Variants in CPSF3 observed in about 807,000 individuals in gnomAD.
The protein encoded by CPSF3 is cleavage and polyadenylation specific factor 3.
CPSF3 carries 57 observed loss-of-function variants against 84.1 expected under a neutral mutation model. That is an observed-to-expected ratio of 0.68 (90% confidence interval 0.55 to 0.85). The LOEUF (loss-of-function observed/expected upper bound fraction) is 0.85, where lower values mean the gene tolerates loss of function less well. Among genes scored for constraint, CPSF3 ranks in the 40% least tolerant of loss-of-function variants. The pLI is 0.00. For missense variants in CPSF3, 522 were observed against 838.8 expected (o/e 0.62, Z 4.66); for synonymous variants, 275 against 278.1 (o/e 0.99, Z 0.11).
chr2:9,466,206 A>ACGCGCACACACG, intron 15 of CPSF3, among the ~76,000 whole-genome samples: 2 of 146,300 alleles, frequency 1.4e-5, no homozygotes, highest in East Asian at 4.0e-4. Flanking sequence ...TCACACACAC[A>ACGCGCACACACG]CGCGCACACA....
intron 16 of CPSF3, 115 bp from the exon 17 acceptor site, chr2:9,471,225 GAAA>G: frequency 5.0e-6 from 3 of 596,278 alleles, no homozygotes; most frequent in Non-Finnish European, 9.0e-6. Context: ...AAAAAAAAAA[GAAA>G]AAAAGTAAAT....
intron 11 of CPSF3, among the ~76,000 whole-genome samples, chr2:9,451,292 AAAT>A (rs1681320428): frequency 6.6e-6 from 1 of 152,236 alleles, no homozygotes; most frequent in African/African-American, 2.4e-5. Flanking sequence ...ATTAAGGAGA[AAAT>A]AACCCTAGGA....
chr2:9,468,583 GTTCC>G (rs1244711315), intron 16 of CPSF3, among the ~76,000 whole-genome samples: 1 of 137,074 alleles, frequency 7.3e-6, no homozygotes, highest in African/African-American at 2.8e-5. Context: ...TAACATTTCT[GTTCC>G]TTCCTTTCTT....
rs184288938 is a variant in CPSF3 at position 9,423,812 on chromosome 2, G to C, written c.39G>C (p.Leu13=). 9 of 1,613,400 alleles carry C rather than the reference G, an allele frequency of 5.6e-6. No homozygotes were observed. The highest frequency in any genetic ancestry group is 7.6e-6 in the Non-Finnish European group (9 of 1,179,808). ...AIPAEESDQL[L]IRPLGAGQEV... ...CTGCTGAGGAGAGCGACCAGCTGCT[G>C]ATCCGACCCCTGTAAGGGACCAGCG... is the stretch of plus-strand genomic sequence containing the variant. The change falls in exon 1 of 18, where the codon CTG becomes CTC. Residue 13 remains leucine, a synonymous_variant. Coordinates refer to ENST00000238112, the MANE Select transcript of CPSF3 (RefSeq NM_016207.4).
At chr2:9,434,783 T>C (rs888830334) in intron 6 of CPSF3, among the ~76,000 whole-genome samples, 6 of 152,208 alleles carry the variant, frequency 3.9e-5, no homozygotes, top group African/African-American at 1.4e-4. Flanking sequence ...TGTTGCTGAC[T>C]GTAGAGTCAG....
chr2:9,431,301 G>T (rs1240152712), intron 4 of CPSF3, among the ~76,000 whole-genome samples: 1 of 152,214 alleles, frequency 6.6e-6, no homozygotes, highest in Non-Finnish European at 1.5e-5. Flanking sequence ...TGATCCTCCT[G>T]CCTTGGCCTC....
intron 7 of CPSF3, among the ~76,000 whole-genome samples, chr2:9,438,530 C>G (rs1232244555): frequency 7.1e-6 from 1 of 140,250 alleles, no homozygotes; most frequent in Non-Finnish European, 1.5e-5. Context: ...GAGACAGTCT[C>G]ACCCTGTCAC....
chr2:9,436,171 A>G lies in CPSF3; in HGVS notation c.610-40A>G, dbSNP rs571912091. On this transcript the variant is annotated intron_variant, in intron 6 of 17. Transcript: ENST00000238112. ...TGTTTAACTTTTGAATTCTTGGAGG[A>G]TCATTGGTCTTAGTCTCACACTTCT... The G allele has an allele frequency of 3.0e-5, 44 of 1,486,596 alleles. No homozygotes were observed. In the South Asian group the frequency reaches 5.6e-4, roughly 19 times the overall value. The allele number at this position is 1,486,596 out of a possible 1,614,324, so 92.1% of individuals were successfully genotyped here. A position where few individuals can be genotyped will look rare whatever the true frequency, so the allele number is the denominator to read the frequency against.
chr2:9,465,762 T>C (rs1681884121), intron 15 of CPSF3, among the ~76,000 whole-genome samples: 1 of 152,164 alleles, frequency 6.6e-6, no homozygotes, highest in Admixed American at 6.5e-5. Context: ...TCAATCCCAA[T>C]CAAATGCCAC....
chr2:9,466,336 A>ACACACAGGCAGG (rs1489994437), intron 15 of CPSF3, among the ~76,000 whole-genome samples: 57 of 46,322 alleles, frequency 1.2e-3, no homozygotes, highest in Middle Eastern at 0.048. Context: ...AGACGCACGC[A>ACACACAGGCAGG]CACACGCGCG....
In CPSF3 at chr2:9,442,070, A is replaced by G. The variant is rs190071613; in HGVS notation, c.1095+94A>G. On this transcript the variant is annotated intron_variant, in intron 9 of 17. Transcript: ENST00000238112. ...GTTTTTGCACTGAAGTAGTTCTTCA[A>G]ATAATACAAGTTTTGATTTTTAAAA... is the stretch of plus-strand genomic sequence containing the variant. 24 of 1,278,720 alleles carry G rather than the reference A, an allele frequency of 1.9e-5. No individual in the cohort carries two copies. The East Asian group carries it at 5.6e-4, about 30-fold the overall frequency. The allele number at this position is 1,278,720 out of a possible 1,614,324, so 79.2% of individuals were successfully genotyped here. A position where few individuals can be genotyped will look rare whatever the true frequency, so the allele number is the denominator to read the frequency against.
chr2:9,464,086 T>C (rs1681823807), intron 15 of CPSF3, among the ~76,000 whole-genome samples: 1 of 152,234 alleles, frequency 6.6e-6, no homozygotes, highest in Non-Finnish European at 1.5e-5. Context: ...TGTGTGTGTG[T>C]GTGTGTCTAA....
At chr2:9,464,332 A>T (rs1236501171) in intron 15 of CPSF3, among the ~76,000 whole-genome samples, 1 of 152,086 alleles carries the variant, frequency 6.6e-6, no homozygotes, top group Admixed American at 6.6e-5. Flanking sequence ...CTAAATATTA[A>T]TGCAGGAATT....
chr2:9,453,782 T>C (rs1419805332), intron 12 of CPSF3, among the ~76,000 whole-genome samples: 1 of 151,952 alleles, frequency 6.6e-6, no homozygotes, highest in East Asian at 1.9e-4. Flanking sequence ...TCCCAGCTAC[T>C]CAGGAGGCTG....
chr2:9,471,012 A>G (rs1682143432), intron 16 of CPSF3, among the ~76,000 whole-genome samples: 1 of 152,158 alleles, frequency 6.6e-6, no homozygotes, highest in Non-Finnish European at 1.5e-5. Context: ...CTAGGAGTTC[A>G]AGACCAGCCT....
chr2:9,424,108 ACG>A (rs1680235627), intron 1 of CPSF3: 1 of 1,190,382 alleles, frequency 8.4e-7, no homozygotes, highest in Admixed American at 4.2e-5. Flanking sequence ...GCTTTCGTAC[ACG>A]CTAAGAAGCG....
Position 9,467,701 on chromosome 2 carries a change from TCCC to T in CPSF3, c.1787-5_1787-3del. On this transcript the variant is annotated splice_polypyrimidine_tract_variant and splice_region_variant and intron_variant, in intron 15 of 17. Coordinates refer to ENST00000238112, the MANE Select transcript of CPSF3 (RefSeq NM_016207.4). Reference sequence around the variant, plus strand: ...CTGAACTCTCTGTCGCTTTTTTTTTTCCCAGGTGCAGTACAGAAGGTTTCTAAA... The same window carrying T: ...CTGAACTCTCTGTCGCTTTTTTTTTTAGGTGCAGTACAGAAGGTTTCTAAA... 6.3e-7 allele frequency: 1 copy of T among 1,598,046 alleles called. No individual in the cohort carries two copies. The highest frequency in any genetic ancestry group is 8.5e-7 in the Non-Finnish European group (1 of 1,172,882).
chr2:9,450,088 C>T (rs1470028357), intron 11 of CPSF3, among the ~76,000 whole-genome samples: 1 of 151,732 alleles, frequency 6.6e-6, no homozygotes, highest in African/African-American at 2.4e-5. Flanking sequence ...CCTCGACCTC[C>T]CTAGGCTCAG....
intron 15 of CPSF3, among the ~76,000 whole-genome samples, chr2:9,465,354 G>T (rs1681864119): frequency 6.6e-6 from 1 of 152,042 alleles, no homozygotes; most frequent in African/African-American, 2.4e-5. Flanking sequence ...TGAGATGAGA[G>T]GATCACTTGA....
Sources: gnomAD v4.1 joint callset for allele counts (sites outside exome capture counted in the v4.1 genomes callset) on GRCh38, gnomAD v4.1.1 for gene constraint, MANE v1.5 for transcripts, NCBI Gene and HGNC (gene_info 2026-07-23, HGNC 2026-07-21) for gene names.